CRYBB1: variants seen among roughly 807,000 people sequenced by gnomAD.
The protein encoded by CRYBB1 is beta-crystallin B1.
Under a neutral mutation model 29.5 loss-of-function variants are expected in CRYBB1, and 16 were observed. That is an observed-to-expected ratio of 0.54 (90% CI 0.37 to 0.82). The LOEUF (loss-of-function observed/expected upper bound fraction) is 0.82, where lower values mean the gene tolerates loss of function less well. Among genes scored for constraint, CRYBB1 ranks in the 40% least tolerant of loss-of-function variants. The pLI is 0.00. For synonymous variants in CRYBB1, 127 were observed against 136.7 expected (o/e 0.93, Z 0.49); for missense variants, 300 against 350.5 (o/e 0.86, Z 1.15).
chr22:26,604,165 C>A (rs577101737), intron 4 of CRYBB1, among the ~76,000 whole-genome samples: 1 of 152,114 alleles, frequency 6.6e-6, no homozygotes, highest in Non-Finnish European at 1.5e-5. Context: ...ACCTCAGTGT[C>A]TAGGTTCAAA....
intron 2 of CRYBB1, among the ~76,000 whole-genome samples, chr22:26,613,695 A>T (rs1929251093): frequency 6.6e-6 from 1 of 152,180 alleles, no homozygotes; most frequent in East Asian, 1.9e-4. Flanking sequence ...AACTGCACAA[A>T]TTGTACAGCA....
intron 2 of CRYBB1, among the ~76,000 whole-genome samples, chr22:26,612,423 C>A (rs909038378): frequency 6.6e-6 from 1 of 152,128 alleles, no homozygotes; most frequent in East Asian, 1.9e-4. Flanking sequence ...AGTTCAGTGG[C>A]GCAATCATGG....
At chr22:26,602,064 G>C in intron 4 of CRYBB1, 43 bp from the exon 5 acceptor site, 1 of 1,609,960 alleles carries the variant, frequency 6.2e-7, no homozygotes. Flanking sequence ...AGTACAAATG[G>C]GACAAAGAGA....
intron 3 of CRYBB1, among the ~76,000 whole-genome samples, chr22:26,608,824 T>C (rs1929066508): frequency 6.6e-6 from 1 of 152,216 alleles, no homozygotes; most frequent in Non-Finnish European, 1.5e-5. Context: ...GGGAAGGGAA[T>C]GATGGTAATA....
At chr22:26,601,746 C>A in intron 5 of CRYBB1, 133 bp downstream of exon 5, 1 of 1,440,454 alleles carries the variant, frequency 6.9e-7, no homozygotes, top group Non-Finnish European at 9.5e-7. Flanking sequence ...ATCCCAGGAA[C>A]CAGCACTGGG....
intron 2 of CRYBB1, among the ~76,000 whole-genome samples, chr22:26,615,290 G>T (rs572308953): frequency 6.6e-5 from 10 of 152,212 alleles, no homozygotes; most frequent in African/African-American, 1.9e-4. Flanking sequence ...AATTTTGAGG[G>T]TCTGAGGCCA....
chr22:26,607,613 T>C (rs1929022418), intron 4 of CRYBB1, among the ~76,000 whole-genome samples: 1 of 148,890 alleles, frequency 6.7e-6, no homozygotes, highest in Non-Finnish European at 1.5e-5. Flanking sequence ...CAGCCAGGGA[T>C]ATCAAGAGAA....
chr22:26,612,367 G>A (rs1354840586), intron 2 of CRYBB1, among the ~76,000 whole-genome samples, 177 bp from the exon 3 acceptor site: 3 of 152,072 alleles, frequency 2.0e-5, no homozygotes, highest in Non-Finnish European at 4.4e-5. Flanking sequence ...TTTGTTTTTT[G>A]TTTGTTTGTT....
rs779476968 is a variant in CRYBB1, at chr22:26,612,107, G to A, written c.264C>T (p.Phe88=). Residue 88 remains phenylalanine (F), a synonymous_variant, in exon 3 of 6, where the codon TTC becomes TTT. Coordinates refer to ENST00000647684, the MANE Select transcript of CRYBB1 (RefSeq NM_001887.4). ...GECSNLADRG[F]DRVRSIIVSA... The stretch of plus-strand genomic sequence containing the variant: ...AGACAATGATGCTGCGCACACGGTC[G>A]AAGCCACGGTCTGCCAGATTTGAGC... The A allele has an allele frequency of 6.2e-6, 10 of 1,613,768 alleles. No individual in the cohort carries two copies. Among genetic ancestry groups the A allele is most frequent in the South Asian group, 3.3e-5 (3 of 91,062 alleles).
chr22:26,599,370 A>C lies in CRYBB1; in HGVS notation c.*120T>G. On this transcript the variant is annotated 3_prime_UTR_variant, in exon 6 of 6. Transcript: ENST00000647684. ...AACTATGGGGGACCTCAAGGCACAC[A>C]TCTGTTTACAGATCCAGGAGAAATT... 1.1e-6 allele frequency: 1 copy of C among 923,156 alleles called. No individual in the cohort carries two copies. The highest frequency in any genetic ancestry group is 2.4e-5 in the East Asian group (1 of 41,350). The allele number at this position is 923,156 out of a possible 1,614,324, so 57.2% of individuals were successfully genotyped here. A position where few individuals can be genotyped will look rare whatever the true frequency, so the allele number is the denominator to read the frequency against.
chr22:26,609,018 G>A (rs1929072816), intron 3 of CRYBB1, among the ~76,000 whole-genome samples: 1 of 152,146 alleles, frequency 6.6e-6, no homozygotes, highest in Non-Finnish European at 1.5e-5. Flanking sequence ...CAGTGCAGGT[G>A]GGGTAGATAA....
intron 4 of CRYBB1, among the ~76,000 whole-genome samples, chr22:26,602,780 AC>A (rs1358013930): frequency 5.9e-5 from 9 of 152,030 alleles, no homozygotes; most frequent in African/African-American, 2.2e-4. Context: ...AATGCTTCTT[AC>A]AAACCAGGTG....
chr22:26,610,033 A>C (rs375777891), intron 3 of CRYBB1, among the ~76,000 whole-genome samples: 2 of 113,414 alleles, frequency 1.8e-5, no homozygotes, highest in East Asian at 5.3e-4. Context: ...ACAGACACTG[A>C]TGTGGTCTTG....
At chr22:26,608,853 T>C (rs1272134819) in intron 3 of CRYBB1, among the ~76,000 whole-genome samples, 1 of 152,086 alleles carries the variant, frequency 6.6e-6, no homozygotes, top group Non-Finnish European at 1.5e-5. Flanking sequence ...CAGATACCTA[T>C]GGTAATATAA....
intron 4 of CRYBB1, among the ~76,000 whole-genome samples, chr22:26,605,349 C>T (rs1288080443): frequency 6.6e-6 from 1 of 152,162 alleles, no homozygotes; most frequent in Non-Finnish European, 1.5e-5. Flanking sequence ...CACAGTTTTG[C>T]ACTCAGAGCC....
rs146400311 is a variant in CRYBB1 at position 26,614,709 on chromosome 22, C to G, written c.180+1431G>C. Among the ~76,000 whole-genome samples, 11 of 152,240 alleles carry G rather than the reference C, an allele frequency of 7.2e-5. No homozygotes were observed. The East Asian group carries it at 2.1e-3, about 29-fold the overall frequency. ...TTCAATAAATTAAAAACAAGTAAAT[C>G]GGCCAGTTGCGGTGGCTCACACCTA... On this transcript the variant is annotated intron_variant, in intron 2 of 5. Coordinates refer to ENST00000647684, the MANE Select transcript of CRYBB1 (RefSeq NM_001887.4).
At chr22:26,607,560 G>GAAAA (rs397868247) in intron 4 of CRYBB1, among the ~76,000 whole-genome samples, 16 of 116,304 alleles carry the variant, frequency 1.4e-4, no homozygotes, top group South Asian at 2.8e-4. Context: ...CCATCTTTGG[G>GAAAA]AAAAAAAAAA....
chr22:26,602,368 G>C (rs1254821183), intron 4 of CRYBB1, among the ~76,000 whole-genome samples: 1 of 152,088 alleles, frequency 6.6e-6, no homozygotes, highest in Non-Finnish European at 1.5e-5. Flanking sequence ...AGGACTGCTT[G>C]AGGCCAAGGG....
At position 26,607,955 on chromosome 22, in the gene CRYBB1, A is replaced by G. The variant is rs1417522282; in HGVS notation, c.366T>C (p.Pro122=). The G allele has an allele frequency of 6.2e-7, 1 of 1,614,236 alleles. No homozygotes were observed. The highest frequency in any genetic ancestry group is 1.7e-5 in the Admixed American group (1 of 60,026). The change falls in exon 4 of 6, where the codon CCT becomes CCC. Residue 122 remains proline (P), a synonymous_variant. Transcript: ENST00000647684. ...AGCTGCTCGACCATGTGTTCCAGCG[A>G]GGGTACTCGCCCTTCTCCAGGATGA... ...EMFILEKGEY[P]RWNTWSSSYR...
Sources: gnomAD v4.1 joint callset for allele counts (sites outside exome capture counted in the v4.1 genomes callset) on GRCh38, gnomAD v4.1.1 for gene constraint, MANE v1.5 for transcripts, NCBI Gene and HGNC (gene_info 2026-07-23, HGNC 2026-07-21) for gene names.